LYRM2: variants seen among roughly 807,000 people sequenced by gnomAD.
LYRM2 encodes LYR motif-containing protein 2.
In LYRM2, 8 loss-of-function variants were observed where a neutral mutation model predicts 11.6. That is an observed-to-expected ratio of 0.69 (90% CI 0.40 to 1.24). The LOEUF is 1.24. LYRM2 is among the 50% of genes most tolerant of loss of function. The pLI, the probability that LYRM2 is intolerant of heterozygous loss-of-function variation, is 0.01. For synonymous variants in LYRM2, 30 were observed against 36.4 expected, an observed-to-expected ratio of 0.83 and a Z score of 0.63; for missense variants, 117 against 102.9, an observed-to-expected ratio of 1.14 and a Z score of -0.59.
chr6:89,637,412 A>G (rs1808036845), intron 2 of LYRM2, 59 bp from the exon 3 acceptor site: 7 of 1,113,762 alleles, frequency 6.3e-6, no homozygotes, highest in Non-Finnish European at 9.3e-6. Context: ...GTATAGCTAT[A>G]CCATTTTATC....
At chr6:89,638,526 C>A in intron 1 of LYRM2, 146 bp downstream of exon 1, 1 of 1,555,940 alleles carries the variant, frequency 6.4e-7, no homozygotes. Flanking sequence ...CGGAGCGAAG[C>A]ACCGCCCCGC....
rs202223153 is a variant in LYRM2 at position 89,638,669 on chromosome 6, T to C, written c.45+3A>G. 1 of 1,614,076 alleles carries C rather than the reference T, an allele frequency of 6.2e-7. No individual in the cohort carries two copies. Among genetic ancestry groups the C allele is most frequent in the Non-Finnish European group, 8.5e-7 (1 of 1,179,956 alleles). ...GCTTTGGAAGGCAGAGAACCGCCGG[T>C]ACCTGCTTTAACGTTAGCGTCGCTG... is the stretch of plus-strand genomic sequence containing the variant. On this transcript the variant is annotated splice_donor_region_variant and intron_variant, in intron 1 of 2. Transcript: ENST00000523377.
rs1292140627 is a variant in LYRM2 at position 89,634,008 on chromosome 6, A to G, written c.*3265T>C. The G allele has an allele frequency of 6.6e-6, 1 of 152,230 alleles. No individual in the cohort carries two copies. Among genetic ancestry groups the G allele is most frequent in the Non-Finnish European group, 1.5e-5 (1 of 68,036 alleles). The allele number at this position is 152,230 out of a possible 1,614,324, so 9.4% of individuals were successfully genotyped here. ...CACCAAAAGCAAAACAAAACTGCTG[A>G]AATGTGGCAAGGTTTCTCAGTGCAA... On this transcript the variant is annotated 3_prime_UTR_variant, in exon 3 of 3. Transcript: ENST00000523377.
At position 89,635,755 on chromosome 6, in the gene LYRM2, T is replaced by C. The variant is rs769425555; in HGVS notation, c.*1518A>G. On this transcript the variant is annotated 3_prime_UTR_variant, in exon 3 of 3. Transcript: ENST00000523377. ...CTTCAAAAGTGCCTTGAAGTCAATTTTGGTTGTAATGTATTTGTCTCTGAC... is the reference window on the plus strand; with the variant it reads ...CTTCAAAAGTGCCTTGAAGTCAATTCTGGTTGTAATGTATTTGTCTCTGAC... The C allele has an allele frequency of 6.6e-6, 1 of 152,282 alleles. No individual in the cohort carries two copies. Among genetic ancestry groups the C allele is most frequent in the Non-Finnish European group, 1.5e-5 (1 of 68,056 alleles). 9.4% of individuals were successfully genotyped at this position (152,282 alleles called of 1,614,324 possible). A position where few individuals can be genotyped will look rare whatever the true frequency, so the allele number is the denominator to read the frequency against.
At chr6:89,637,637 A>G in intron 2 of LYRM2, 105 bp downstream of exon 2, 1 of 1,047,506 alleles carries the variant, frequency 9.5e-7, no homozygotes, top group Non-Finnish European at 1.4e-6. Flanking sequence ...AAGATATACC[A>G]GCTCAGTGGC....
At position 89,635,168 on chromosome 6, in the gene LYRM2, G is replaced by A. The variant is rs914971681; in HGVS notation, c.*2105C>T. On this transcript the variant is annotated 3_prime_UTR_variant, in exon 3 of 3. Coordinates refer to ENST00000523377, the MANE Select transcript of LYRM2 (RefSeq NM_020466.5). ...AACCTTTCCATGCACACCACTGTTA[G>A]GAAGAGCATCATTAAATCACTGACT... The A allele has an allele frequency of 2.6e-5, 4 of 152,142 alleles. No homozygotes were observed. Among genetic ancestry groups the A allele is most frequent in the African/African-American group, 9.7e-5 (4 of 41,420 alleles). 9.4% of individuals were successfully genotyped at this position (152,142 alleles called of 1,614,324 possible).
In LYRM2 at chr6:89,637,844, C is replaced by G. The variant is rs1364732037; in HGVS notation, c.84G>C (p.Arg28Ser). 3 of 1,614,048 alleles carry G rather than the reference C, an allele frequency of 1.9e-6. No individual in the cohort carries two copies. The highest frequency in any genetic ancestry group is 2.5e-6 in the Non-Finnish European group (3 of 1,179,994). ...RRQQVLLLYR[R>S]ILQTIRQVPN... ...GAACTTGCCGAATTGTTTGCAAAAT[C>G]CTTCTGTAGAGGAGAAGAACTTGTT... The change falls in exon 2 of 3, where the codon AGG becomes AGC. Residue 28 changes from arginine to serine, a missense_variant. Coordinates refer to ENST00000523377, the MANE Select transcript of LYRM2 (RefSeq NM_020466.5).
rs1051704576 is a variant in LYRM2 at position 89,632,789 on chromosome 6, T to A, written c.*4484A>T. On this transcript the variant is annotated 3_prime_UTR_variant, in exon 3 of 3. Transcript: ENST00000523377. ...AATACAGAATTGTAGAGCTGGAGAG[T>A]ACCTTCAGTTTTCTAAATCTATTCT... 1.3e-5 allele frequency: 2 copies of A among 152,158 alleles called. No individual in the cohort carries two copies. Among genetic ancestry groups the A allele is most frequent in the Non-Finnish European group, 2.9e-5 (2 of 68,030 alleles). 9.4% of individuals were successfully genotyped at this position (152,158 alleles called of 1,614,324 possible). A position where few individuals can be genotyped will look rare whatever the true frequency, so the allele number is the denominator to read the frequency against.
rs545001705 is a variant in LYRM2, at chr6:89,636,389, G to A, written c.*884C>T. 5 of 152,206 alleles carry A rather than the reference G, an allele frequency of 3.3e-5. No homozygotes were observed. Among genetic ancestry groups the A allele is most frequent in the South Asian group, 4.2e-4 (2 of 4,818 alleles). The allele number at this position is 152,206 out of a possible 1,614,324, so 9.4% of individuals were successfully genotyped here. A position where few individuals can be genotyped will look rare whatever the true frequency, so the allele number is the denominator to read the frequency against. Reference sequence around the variant, plus strand: ...AATCATCATGTGATCTTTTGTGACCGGCTTCTTTCACTTAACGTTTTCAAG... The same window carrying A: ...AATCATCATGTGATCTTTTGTGACCAGCTTCTTTCACTTAACGTTTTCAAG... On this transcript the variant is annotated 3_prime_UTR_variant, in exon 3 of 3. Transcript: ENST00000523377.
intron 2 of LYRM2, 65 bp downstream of exon 2, chr6:89,637,675 TAA>T (rs543524750): frequency 4.7e-6 from 6 of 1,281,506 alleles, no homozygotes; most frequent in Non-Finnish European, 6.4e-6. Flanking sequence ...CTGCTAAACT[TAA>T]AAAAAAAAAT....
rs1807998944 is a variant in LYRM2, at chr6:89,636,222, C to T, written c.*1051G>A. On this transcript the variant is annotated 3_prime_UTR_variant, in exon 3 of 3. Transcript: ENST00000523377. ...TTGAATATATTCAAGAGTTGTGCAG[C>T]CTACACCACAAGCTAACTGTAGGAT... 1 of 152,278 alleles carries T rather than the reference C, an allele frequency of 6.6e-6. No homozygotes were observed. Among genetic ancestry groups the T allele is most frequent in the South Asian group, 2.1e-4 (1 of 4,822 alleles). 9.4% of individuals were successfully genotyped at this position (152,278 alleles called of 1,614,324 possible).
At chr6:89,638,261 G>A (rs1808071221) in intron 1 of LYRM2, 1 of 1,135,602 alleles carries the variant, frequency 8.8e-7, no homozygotes, top group Non-Finnish European at 1.1e-6. Context: ...AAAAAATCAG[G>A]AGCTGCCTAC....
rs906088946 is a variant in LYRM2 at position 89,632,517 on chromosome 6, C to T, written c.*4756G>A. ...CACTGCAGCCTTGGCCTCTCAGGCTCGTGATCCTCCTGCCTCAACCTCGCA... is the reference window on the plus strand; with the variant it reads ...CACTGCAGCCTTGGCCTCTCAGGCTTGTGATCCTCCTGCCTCAACCTCGCA... On this transcript the variant is annotated 3_prime_UTR_variant, in exon 3 of 3. Coordinates refer to ENST00000523377, the MANE Select transcript of LYRM2 (RefSeq NM_020466.5). 4 of 152,146 alleles carry T rather than the reference C, an allele frequency of 2.6e-5. No individual in the cohort carries two copies. Among genetic ancestry groups the T allele is most frequent in the Admixed American group, 2.6e-4 (4 of 15,272 alleles). The allele number at this position is 152,146 out of a possible 1,614,324, so 9.4% of individuals were successfully genotyped here.
rs949381449 is a variant in LYRM2, at chr6:89,633,820, A to C, written c.*3453T>G. 5.9e-5 allele frequency: 9 copies of C among 152,250 alleles called. No individual in the cohort carries two copies. Among genetic ancestry groups the C allele is most frequent in the Admixed American group, 4.6e-4 (7 of 15,290 alleles). 9.4% of individuals were successfully genotyped at this position (152,250 alleles called of 1,614,324 possible). On this transcript the variant is annotated 3_prime_UTR_variant, in exon 3 of 3. Coordinates refer to ENST00000523377, the MANE Select transcript of LYRM2 (RefSeq NM_020466.5). ...TGGATCTTAAATTCCTTATTAAAAAAATGCAAGTGTGAATACTTTGTTTAG... is the reference window on the plus strand; with the variant it reads ...TGGATCTTAAATTCCTTATTAAAAACATGCAAGTGTGAATACTTTGTTTAG...
At chr6:89,637,970 G>A in intron 1 of LYRM2, 88 bp from the exon 2 acceptor site, 2 of 1,297,242 alleles carry the variant, frequency 1.5e-6, no homozygotes, top group Non-Finnish European at 2.1e-6. Context: ...TGTAACCAGA[G>A]TACTTCTCGT....
Position 89,632,663 on chromosome 6 carries a change from G to T in LYRM2, c.*4610C>A, listed in dbSNP as rs955932848. 4 of 152,156 alleles carry T rather than the reference G, an allele frequency of 2.6e-5. No homozygotes were observed. Among genetic ancestry groups the T allele is most frequent in the Non-Finnish European group, 5.9e-5 (4 of 68,024 alleles). The allele number at this position is 152,156 out of a possible 1,614,324, so 9.4% of individuals were successfully genotyped here. ...TTCAAGTTGATTTTCATGTGTTTGGGAGCTTGTCTTGTTCTCAACTACTAC... is the reference window on the plus strand; with the variant it reads ...TTCAAGTTGATTTTCATGTGTTTGGTAGCTTGTCTTGTTCTCAACTACTAC... On this transcript the variant is annotated 3_prime_UTR_variant, in exon 3 of 3. Coordinates refer to ENST00000523377, the MANE Select transcript of LYRM2 (RefSeq NM_020466.5).
Position 89,635,243 on chromosome 6 carries a change from A to G in LYRM2, c.*2030T>C, listed in dbSNP as rs1209240602. 1 of 152,222 alleles carries G rather than the reference A, an allele frequency of 6.6e-6. No homozygotes were observed. The highest frequency in any genetic ancestry group is 1.5e-5 in the Non-Finnish European group (1 of 68,036). 9.4% of individuals were successfully genotyped at this position (152,222 alleles called of 1,614,324 possible). A position where few individuals can be genotyped will look rare whatever the true frequency, so the allele number is the denominator to read the frequency against. On this transcript the variant is annotated 3_prime_UTR_variant, in exon 3 of 3. Transcript: ENST00000523377. ...TGAGTTTCAAGATTTTAGATTTACT[A>G]GAGATAGCATGTATCTATCAATCAT...
In LYRM2 at chr6:89,636,462, C is replaced by T. The variant is rs1808006785; in HGVS notation, c.*811G>A. 3 of 152,208 alleles carry T rather than the reference C, an allele frequency of 2.0e-5. No homozygotes were observed. In the South Asian group the frequency reaches 6.2e-4, roughly 32 times the overall value. The allele number at this position is 152,208 out of a possible 1,614,324, so 9.4% of individuals were successfully genotyped here. ...TAAGTCCTTCGTTTCTTTTTAGTGC[C>T]AAATAATGGCTATGGGCATGGGGTA... On this transcript the variant is annotated 3_prime_UTR_variant, in exon 3 of 3. Transcript: ENST00000523377.
chr6:89,638,517 G>A, intron 1 of LYRM2, 155 bp downstream of exon 1: 4 of 1,542,280 alleles, frequency 2.6e-6, no homozygotes, highest in Non-Finnish European at 2.6e-6. Flanking sequence ...CAGGCCCCGC[G>A]GAGCGAAGCA....
Sources: gnomAD v4.1 joint callset for allele counts on GRCh38, gnomAD v4.1.1 for gene constraint, MANE v1.5 for transcripts, NCBI Gene and HGNC (gene_info 2026-07-23, HGNC 2026-07-21) for gene names.